Variants in FBXO25 observed in about 807,000 individuals in gnomAD.
The protein encoded by FBXO25 is F-box protein 25.
A neutral mutation model predicts 51.9 loss-of-function variants in FBXO25; 45 were observed. The ratio of observed to expected loss-of-function variants is 0.87; its 90% CI spans 0.68 to 1.11. FBXO25 has a LOEUF of 1.11. FBXO25 is among the 50% of genes most tolerant of loss of function. FBXO25 has a pLI of 0.00. For missense variants in FBXO25, 507 were observed against 428.5 expected (o/e 1.18, Z -1.62); for synonymous variants, 199 against 151.0 (o/e 1.32, Z -2.33).
chr8:413,242 A>T (rs765038708), intron 2 of FBXO25, 29 bp downstream of exon 2: 63 of 1,533,578 alleles, frequency 4.1e-5, no homozygotes, highest in Non-Finnish European at 2.6e-6. Context: ...GAACCATGCC[A>T]TTTGCCAGTT....
chr8:431,285 AG>A, intron 2 of FBXO25, 55 bp from the exon 3 acceptor site: 1 of 932,478 alleles, frequency 1.1e-6, no homozygotes, highest in Non-Finnish European at 1.6e-6. Flanking sequence ...ACAAAAGAAA[AG>A]CCAAATGAAG....
chr8:445,585 G>A (rs1191090476), intron 5 of FBXO25, among the ~76,000 whole-genome samples: 4 of 152,200 alleles, frequency 2.6e-5, no homozygotes, highest in Non-Finnish European at 5.9e-5. Flanking sequence ...GGGTGCAGTG[G>A]CTCACGCCTA....
intron 7 of FBXO25, among the ~76,000 whole-genome samples, chr8:455,452 A>G (rs904822145): frequency 2.0e-5 from 3 of 152,192 alleles, no homozygotes; most frequent in African/African-American, 7.2e-5. Flanking sequence ...GACTCACCAC[A>G]TATTGAGGGG....
intron 2 of FBXO25, among the ~76,000 whole-genome samples, chr8:431,069 A>G (rs550131965): frequency 6.6e-6 from 1 of 152,338 alleles, no homozygotes; most frequent in Non-Finnish European, 1.5e-5. Flanking sequence ...CTCTGTTTTA[A>G]TAAGGCATTT....
chr8:461,843 A>G (rs1799837743), intron 8 of FBXO25, among the ~76,000 whole-genome samples: 1 of 152,238 alleles, frequency 6.6e-6, no homozygotes, highest in African/African-American at 2.4e-5. Context: ...GCTTCATTCA[A>G]GACTGAATAA....
chr8:455,332 A>G (rs1272652468), intron 7 of FBXO25, among the ~76,000 whole-genome samples: 1 of 152,192 alleles, frequency 6.6e-6, no homozygotes, highest in East Asian at 1.9e-4. Context: ...TGCATTCATG[A>G]GCAGTGACAG....
intron 7 of FBXO25, among the ~76,000 whole-genome samples, chr8:457,488 T>C (rs997612070): frequency 4.6e-5 from 7 of 152,094 alleles, no homozygotes; most frequent in Admixed American, 2.6e-4. Context: ...CTGGCGTGTG[T>C]GAGGGAGAAA....
Position 471,188 on chromosome 8 carries a change from A to G in FBXO25, c.*2384A>G, listed in dbSNP as rs1029065221. ...ACACAGCTAGCCGCATTGCCACTGC[A>G]TGGGTCACAGCCTCCTGCAGGTGCG... On this transcript the variant is annotated 3_prime_UTR_variant, in exon 10 of 10. Coordinates refer to ENST00000350302, the MANE Select transcript of FBXO25 (RefSeq NM_183420.2). The G allele has an allele frequency of 6.6e-6, 1 of 152,248 alleles. No individual in the cohort carries two copies. Among genetic ancestry groups the G allele is most frequent in the Non-Finnish European group, 1.5e-5 (1 of 68,064 alleles). The allele number at this position is 152,248 out of a possible 1,614,324, so 9.4% of individuals were successfully genotyped here.
At chr8:409,445 A>T (rs1421824976) in intron 1 of FBXO25, among the ~76,000 whole-genome samples, 1 of 152,222 alleles carries the variant, frequency 6.6e-6, no homozygotes, top group Non-Finnish European at 1.5e-5. Context: ...AATTCAGACC[A>T]AACTATTCAT....
intron 4 of FBXO25, among the ~76,000 whole-genome samples, chr8:435,183 T>C (rs1798029260): frequency 6.6e-6 from 1 of 152,172 alleles, no homozygotes; most frequent in Non-Finnish European, 1.5e-5. Context: ...TGCAGAGAAA[T>C]CCTGTGTTTC....
At chr8:419,836 A>C (rs936945916) in intron 2 of FBXO25, among the ~76,000 whole-genome samples, 1 of 152,260 alleles carries the variant, frequency 6.6e-6, no homozygotes, top group African/African-American at 2.4e-5. Context: ...TTAAAATTCT[A>C]CTCTCAGAGA....
intron 5 of FBXO25, among the ~76,000 whole-genome samples, chr8:447,776 A>G (rs1003057104): frequency 7.9e-5 from 12 of 152,212 alleles, no homozygotes; most frequent in African/African-American, 2.7e-4. Context: ...AACCCATCAC[A>G]TGAGGTCAAG....
chr8:459,826 C>T (rs1319756294), intron 8 of FBXO25, among the ~76,000 whole-genome samples: 1 of 152,118 alleles, frequency 6.6e-6, no homozygotes, highest in African/African-American at 2.4e-5. Context: ...TGAGGTGCCC[C>T]AGAACCTGGG....
At position 470,444 on chromosome 8, in the gene FBXO25, C is replaced by G. The variant is rs1356544307; in HGVS notation, c.*1640C>G. The G allele has an allele frequency of 6.6e-6, 1 of 152,168 alleles. No individual in the cohort carries two copies. The highest frequency in any genetic ancestry group is 2.4e-5 in the African/African-American group (1 of 41,418). 9.4% of individuals were successfully genotyped at this position (152,168 alleles called of 1,614,324 possible). A position where few individuals can be genotyped will look rare whatever the true frequency, so the allele number is the denominator to read the frequency against. ...GATGTCGGCTTACTGCAACCTCTGT[C>G]CCCCAGGCTCAAGTGATCCTCCCAC... On this transcript the variant is annotated 3_prime_UTR_variant, in exon 10 of 10. Transcript: ENST00000350302.
At chr8:466,846 G>C (rs1800193064) in intron 9 of FBXO25, among the ~76,000 whole-genome samples, 1 of 152,174 alleles carries the variant, frequency 6.6e-6, no homozygotes, top group African/African-American at 2.4e-5. Context: ...GACTGACTTC[G>C]ATGGCCCTGC....
chr8:470,257 G>A lies in FBXO25; in HGVS notation c.*1453G>A, dbSNP rs1800436070. ...ATAAGCATCGTCACACAACAATGTG[G>A]CCGTCTCCTTACAACCACTGGTAGT... On this transcript the variant is annotated 3_prime_UTR_variant, in exon 10 of 10. Transcript: ENST00000350302. The A allele has an allele frequency of 6.6e-6, 1 of 152,138 alleles. No homozygotes were observed. The highest frequency in any genetic ancestry group is 1.5e-5 in the Non-Finnish European group (1 of 68,046). 9.4% of individuals were successfully genotyped at this position (152,138 alleles called of 1,614,324 possible).
At chr8:454,417 G>A (rs1462615380) in intron 7 of FBXO25, among the ~76,000 whole-genome samples, 1 of 152,194 alleles carries the variant, frequency 6.6e-6, no homozygotes, top group Non-Finnish European at 1.5e-5. Flanking sequence ...TGTGCTCGCT[G>A]GGCCCATCAT....
In FBXO25 at chr8:463,099, GTA is replaced by G; in HGVS notation, c.937_938del (p.Tyr313ArgfsTer28). On this transcript the variant is annotated frameshift_variant, in exon 9 of 10. Transcript: ENST00000350302. LOFTEE classifies it high-confidence loss of function. ...LQKHYPAKEQ[Y>X]GDTLHFCRHC... ...AGAAACATTACCCAGCGAAGGAGCA[GTA>G]CGGAGACACACTGCATTTCTGTCGG... 1 of 1,613,990 alleles carries G rather than the reference GTA, an allele frequency of 6.2e-7. No homozygotes were observed. Among genetic ancestry groups the G allele is most frequent in the Non-Finnish European group, 8.5e-7 (1 of 1,179,992 alleles).
intron 5 of FBXO25, 44 bp downstream of exon 5, chr8:435,751 C>A: frequency 6.4e-7 from 1 of 1,557,948 alleles, no homozygotes; most frequent in Non-Finnish European, 8.7e-7. Flanking sequence ...CTCTTTTGAA[C>A]AACTATATTT....
Sources: allele counts gnomAD v4.1 joint callset (sites outside exome capture counted in the v4.1 genomes callset), GRCh38; gene constraint gnomAD v4.1.1; transcripts MANE v1.5; gene names NCBI Gene and HGNC (gene_info 2026-07-23, HGNC 2026-07-21).